The following EDAR variants were observed in gnomAD, a reference collection of about 807,000 sequenced individuals.
EDAR encodes ectodysplasin A receptor.
In EDAR, 38 loss-of-function variants were observed where a neutral mutation model predicts 51.3. That is an observed-to-expected ratio of 0.74 (90% CI 0.57 to 0.97). The LOEUF is 0.97. EDAR is among the 50% of genes least tolerant of loss of function. The pLI, the probability that EDAR is intolerant of heterozygous loss-of-function variation, is 0.00. For synonymous variants in EDAR, 227 were observed against 242.1 expected (o/e 0.94, Z 0.58); for missense variants, 528 against 595.0 (o/e 0.89, Z 1.17).
chr2:108,945,552 C>T (rs1463454989), intron 1 of EDAR, among the ~76,000 whole-genome samples: 3 of 152,110 alleles, frequency 2.0e-5, no homozygotes, highest in Admixed American at 2.0e-4. Flanking sequence ...TTGGCACTGT[C>T]TGCATTTTAA....
chr2:108,978,767 G>C (rs1029057544), intron 1 of EDAR, among the ~76,000 whole-genome samples: 1 of 152,156 alleles, frequency 6.6e-6, no homozygotes, highest in Non-Finnish European at 1.5e-5. Context: ...ACAGTCTATC[G>C]GTAAGCTGGA....
At position 108,931,081 on chromosome 2, in the gene EDAR, G is replaced by A. The variant is rs768864045; in HGVS notation, c.-18-49C>T. 55 of 1,527,266 alleles carry A rather than the reference G, an allele frequency of 3.6e-5. No homozygotes were observed. In the African/African-American group the frequency reaches 5.3e-4, roughly 15 times the overall value. The allele number at this position is 1,527,266 out of a possible 1,614,324, so 94.6% of individuals were successfully genotyped here. A position where few individuals can be genotyped will look rare whatever the true frequency, so the allele number is the denominator to read the frequency against. On this transcript the variant is annotated intron_variant, in intron 1 of 11. Transcript: ENST00000258443. ...GGGCACTGGCGGTAGCACCCCAGCC[G>A]GGGGTCTGGCTACCTTTATTTAACC...
chr2:108,896,762 C>A lies in EDAR; in HGVS notation c.*145G>T. ...TTAAATTGGAAGACAGGCCTTATTTCGTCTGGCTCCTTGAACATCCTAAGG... is the reference window on the plus strand; with the variant it reads ...TTAAATTGGAAGACAGGCCTTATTTAGTCTGGCTCCTTGAACATCCTAAGG... On this transcript the variant is annotated 3_prime_UTR_variant, in exon 12 of 12. Coordinates refer to ENST00000258443, the MANE Select transcript of EDAR (RefSeq NM_022336.4). 2.6e-6 allele frequency: 2 copies of A among 760,900 alleles called. No individual in the cohort carries two copies. Among genetic ancestry groups the A allele is most frequent in the East Asian group, 5.4e-5 (2 of 37,004 alleles). The allele number at this position is 760,900 out of a possible 1,614,324, so 47.1% of individuals were successfully genotyped here. A position where few individuals can be genotyped will look rare whatever the true frequency, so the allele number is the denominator to read the frequency against.
At chr2:108,912,657 A>C in intron 6 of EDAR, 21 bp downstream of exon 6, 1 of 1,566,176 alleles carries the variant, frequency 6.4e-7, no homozygotes, top group Non-Finnish European at 8.7e-7. Context: ...CAGGTGATCG[A>C]TACCTGAGCA....
chr2:108,896,382 G>A lies in EDAR; in HGVS notation c.*525C>T, dbSNP rs1272389336. On this transcript the variant is annotated 3_prime_UTR_variant, in exon 12 of 12. Transcript: ENST00000258443. ...AAATGTTTGAGCTGCTTCTTCACTA[G>A]GATGCCATCCTTCATCATCCCAGTA... 1.9e-5 allele frequency: 3 copies of A among 154,248 alleles called. No homozygotes were observed. The highest frequency in any genetic ancestry group is 7.2e-5 in the African/African-American group (3 of 41,422). 9.6% of individuals were successfully genotyped at this position (154,248 alleles called of 1,614,324 possible).
Position 108,958,749 on chromosome 2 carries a change from C to A in EDAR, c.-18-27717G>T, listed in dbSNP as rs114695371. Among the ~76,000 whole-genome samples, 939 of 152,258 alleles carry A rather than the reference C, an allele frequency of 6.2e-3. 12 individuals are homozygous for A. The highest frequency in any genetic ancestry group is 0.022 in the African/African-American group (908 of 41,536). ...TGGCCCAGGAGACCTAAAGCTCAAG[C>A]GCAAGGCTTCTGATTTTGTTGAATG... On this transcript the variant is annotated intron_variant, in intron 1 of 11. Transcript: ENST00000258443.
intron 1 of EDAR, among the ~76,000 whole-genome samples, chr2:108,952,582 C>T (rs1424041433): frequency 1.3e-5 from 2 of 152,204 alleles, no homozygotes; most frequent in Non-Finnish European, 2.9e-5. Flanking sequence ...CTTTCACTTG[C>T]TCTGCTGAGA....
chr2:108,934,536 C>T (rs1003649996), intron 1 of EDAR, among the ~76,000 whole-genome samples: 1 of 152,188 alleles, frequency 6.6e-6, no homozygotes, highest in Non-Finnish European at 1.5e-5. Context: ...GCTGCTAGAA[C>T]AGAATACCAC....
intron 1 of EDAR, among the ~76,000 whole-genome samples, chr2:108,985,406 G>C (rs574736869): frequency 1.3e-5 from 2 of 152,236 alleles, no homozygotes; most frequent in Non-Finnish European, 2.9e-5. Flanking sequence ...AGTTAAGCTG[G>C]CATGAGCTCG....
chr2:108,906,725 C>T (rs1403202005), intron 10 of EDAR, among the ~76,000 whole-genome samples: 1 of 152,222 alleles, frequency 6.6e-6, no homozygotes, highest in African/African-American at 2.4e-5. Context: ...GCTCCCATCC[C>T]GGATCACGTG....
At chr2:108,965,155 G>T (rs1438612818) in intron 1 of EDAR, among the ~76,000 whole-genome samples, 1 of 152,034 alleles carries the variant, frequency 6.6e-6, no homozygotes, top group African/African-American at 2.4e-5. Context: ...TTTTTTGAGT[G>T]TCCAAAGTGT....
At chr2:108,918,639 C>T (rs542254531) in intron 5 of EDAR, among the ~76,000 whole-genome samples, 9 of 152,260 alleles carry the variant, frequency 5.9e-5, no homozygotes, top group Non-Finnish European at 8.8e-5. Flanking sequence ...AGTGGTGACT[C>T]CGGGGAGGGT....
intron 1 of EDAR, among the ~76,000 whole-genome samples, chr2:108,957,304 G>A (rs1423028150): frequency 6.6e-6 from 1 of 152,202 alleles, no homozygotes; most frequent in East Asian, 1.9e-4. Flanking sequence ...AACGCCTCTT[G>A]TTTATGGGCA....
chr2:108,956,552 G>T (rs1187235204), intron 1 of EDAR, among the ~76,000 whole-genome samples: 3 of 152,176 alleles, frequency 2.0e-5, no homozygotes, highest in African/African-American at 4.8e-5. Context: ...ATCTGGCAAG[G>T]CACAAGGCTC....
chr2:108,897,972 TA>T (rs1467345593), intron 11 of EDAR, among the ~76,000 whole-genome samples: 2 of 152,146 alleles, frequency 1.3e-5, no homozygotes, highest in Non-Finnish European at 2.9e-5. Context: ...TTTTGCCTCA[TA>T]AATTCCAGAC....
chr2:108,978,801 G>C (rs193220850), intron 1 of EDAR, among the ~76,000 whole-genome samples: 2 of 152,276 alleles, frequency 1.3e-5, no homozygotes, highest in East Asian at 3.9e-4. Context: ...AATCCATTCT[G>C]AAAGCAGGAG....
At chr2:108,910,561 T>G in intron 8 of EDAR, 29 bp from the exon 9 acceptor site, 1 of 1,591,158 alleles carries the variant, frequency 6.3e-7, no homozygotes, top group Non-Finnish European at 8.6e-7. Context: ...GTTGGGGAGA[T>G]AGGAGTTAGA....
intron 4 of EDAR, among the ~76,000 whole-genome samples, chr2:108,927,676 G>C (rs1697283740): frequency 6.6e-6 from 1 of 152,100 alleles, no homozygotes; most frequent in Non-Finnish European, 1.5e-5. Flanking sequence ...AGCACCCTGA[G>C]TGCATAGTGA....
chr2:108,923,495 G>T, intron 4 of EDAR, 42 bp from the exon 5 acceptor site: 2 of 1,571,268 alleles, frequency 1.3e-6, no homozygotes, highest in Non-Finnish European at 1.8e-6. Flanking sequence ...AGGTGAGCTG[G>T]ACAGCACACA....
Sources: gnomAD v4.1 joint callset for allele counts (sites outside exome capture counted in the v4.1 genomes callset) on GRCh38, gnomAD v4.1.1 for gene constraint, MANE v1.5 for transcripts, NCBI Gene and HGNC (gene_info 2026-07-23, HGNC 2026-07-21) for gene names.